Variants in ANXA7 observed in about 807,000 individuals in gnomAD.
The protein encoded by ANXA7 is annexin A7, also known as annexin VII.
Under a neutral mutation model 64.9 loss-of-function variants are expected in ANXA7, and 55 were observed. The observed-to-expected ratio is 0.85, with a 90% CI of 0.68 to 1.06. The LOEUF (loss-of-function observed/expected upper bound fraction) is 1.06, where lower values mean the gene tolerates loss of function less well. Among genes scored for constraint, ANXA7 ranks in the 50% least tolerant of loss-of-function variants. The probability of loss-of-function intolerance (pLI) is 0.00; values close to 1 mark genes in which losing one functional copy is unlikely to be tolerated. For synonymous variants in ANXA7, 200 were observed against 192.4 expected (o/e 1.04, Z -0.33); for missense variants, 548 against 582.1 (o/e 0.94, Z 0.60).
rs1251305641 is a variant in ANXA7 at position 73,393,757 on chromosome 10, T to C, written c.435+2762A>G. 9.8e-5 allele frequency among the ~76,000 whole-genome samples: 15 copies of C among 152,324 alleles called. No individual in the cohort carries two copies. The South Asian group carries it at 2.7e-3, about 27-fold the overall frequency. The stretch of plus-strand genomic sequence containing the variant: ...GTTAGATCTAAAACCATAAAAACCC[T>C]AGAAGAAAACCTAGGCAATACCATT... On this transcript the variant is annotated intron_variant, in intron 5 of 12. Coordinates refer to ENST00000372921, the MANE Select transcript of ANXA7 (RefSeq NM_001156.5).
At chr10:73,412,661 T>C (rs2055863740) in intron 1 of ANXA7, among the ~76,000 whole-genome samples, 2 of 151,766 alleles carry the variant, frequency 1.3e-5, no homozygotes, top group South Asian at 4.2e-4. Flanking sequence ...GCCCAGCTAA[T>C]TTTTGTATTT....
Position 73,396,525 on chromosome 10 carries a change from AG to A in ANXA7, c.428del (p.Pro143LeufsTer7). On this transcript the variant is annotated frameshift_variant, in exon 5 of 13. Transcript: ENST00000372921. LOFTEE classifies it high-confidence loss of function. Reference sequence around the variant, plus strand: ...AAAGGTAGGAACAAAATACCTGACTAGGGTAAGTAGGTTGTCCTCCAGGATA... The same window carrying A: ...AAAGGTAGGAACAAAATACCTGACTAGGTAAGTAGGTTGTCCTCCAGGATA... Reference protein sequence around the residue: ...SQYPGGQPTYPSQPATVTQVT... With the variant: ...SQYPGGQPTYXSQPATVTQVT... The A allele has an allele frequency of 6.2e-7, 1 of 1,609,478 alleles. No homozygotes were observed. Among genetic ancestry groups the A allele is most frequent in the South Asian group, 1.1e-5 (1 of 90,322 alleles).
At chr10:73,384,632 C>T (rs1589649233) in intron 7 of ANXA7, among the ~76,000 whole-genome samples, 1 of 151,946 alleles carries the variant, frequency 6.6e-6, no homozygotes, top group East Asian at 1.9e-4. Flanking sequence ...AATGCCTGAC[C>T]CCAAGTGATA....
At position 73,404,728 on chromosome 10, in the gene ANXA7, A is replaced by ATC. The variant is rs200180020; in HGVS notation, c.-1-3873_-1-3872dup. On this transcript the variant is annotated intron_variant, in intron 1 of 12. Coordinates refer to ENST00000372921, the MANE Select transcript of ANXA7 (RefSeq NM_001156.5). ...TATCCCTATATATATATATATATAT[A>ATC]TCTTTTGCATTTGAAGAAAACACTA... Among the ~76,000 whole-genome samples, 22 of 150,304 alleles carry ATC rather than the reference A, an allele frequency of 1.5e-4. No homozygotes were observed. The East Asian group carries it at 4.3e-3, about 29-fold the overall frequency.
chr10:73,387,281 G>C (rs1034944632), intron 7 of ANXA7, among the ~76,000 whole-genome samples: 1 of 152,144 alleles, frequency 6.6e-6, no homozygotes, highest in Non-Finnish European at 1.5e-5. Context: ...TTGGGAGGCT[G>C]AGGCAGGCGG....
At chr10:73,383,411 T>C in intron 8 of ANXA7, 66 bp from the exon 9 acceptor site, 1 of 1,462,886 alleles carries the variant, frequency 6.8e-7, no homozygotes, top group Non-Finnish European at 9.3e-7. Flanking sequence ...TAAATCTTCG[T>C]CAAATATTTC....
At chr10:73,376,352 G>C (rs2055172029) in intron 12 of ANXA7, 135 bp from the exon 13 acceptor site, 2 of 809,008 alleles carry the variant, frequency 2.5e-6, no homozygotes, top group Non-Finnish European at 3.6e-6. Flanking sequence ...ACATTTTATG[G>C]CTGGCACTCA....
chr10:73,397,316 A>G, intron 3 of ANXA7, 42 bp from the exon 4 acceptor site: 1 of 1,280,214 alleles, frequency 7.8e-7, no homozygotes, highest in Non-Finnish European at 1.1e-6. Context: ...TACAGTTCTC[A>G]TGATTGCAGA....
rs746307101 is a variant in ANXA7 at position 73,379,943 on chromosome 10, T to A, written c.1101A>T (p.Arg367=). 1.2e-6 allele frequency: 2 copies of A among 1,614,082 alleles called. No homozygotes were observed. The highest frequency in any genetic ancestry group is 2.2e-5 in the East Asian group (1 of 44,888). ...TMEAYSRMAN[R]DLLSSVSREF... is the part of the protein sequence containing the mutation. ...CACGGCTCACACTGCTTAACAAGTC[T>A]CGATTAGCCATCTGCAAACAAAATT... is the stretch of plus-strand genomic sequence containing the variant. The change falls in exon 11 of 13, where the codon CGA becomes CGT. Residue 367 remains arginine (R), a synonymous_variant. Coordinates refer to ENST00000372921, the MANE Select transcript of ANXA7 (RefSeq NM_001156.5).
intron 9 of ANXA7, among the ~76,000 whole-genome samples, chr10:73,382,920 G>C (rs575633074): frequency 2.0e-5 from 3 of 152,162 alleles, no homozygotes; most frequent in Non-Finnish European, 4.4e-5. Flanking sequence ...CCCAGCCACA[G>C]AGCCTCGAAT....
chr10:73,406,863 A>T (rs977518094), intron 1 of ANXA7, among the ~76,000 whole-genome samples: 3 of 151,862 alleles, frequency 2.0e-5, no homozygotes, highest in African/African-American at 7.3e-5. Flanking sequence ...GAGCCACCAC[A>T]CCCACCCTCT....
chr10:73,401,726 G>A (rs766002838), intron 1 of ANXA7, among the ~76,000 whole-genome samples: 3 of 151,792 alleles, frequency 2.0e-5, no homozygotes, highest in African/African-American at 4.8e-5. Flanking sequence ...GGTCTTGAAC[G>A]CCTAACCTCA....
At chr10:73,392,076 A>G (rs1164072867) in intron 5 of ANXA7, among the ~76,000 whole-genome samples, 1 of 152,220 alleles carries the variant, frequency 6.6e-6, no homozygotes, top group Non-Finnish European at 1.5e-5. Flanking sequence ...GAACACCTCT[A>G]TGCAAATAAA....
rs574734754 is a variant in ANXA7 at position 73,405,417 on chromosome 10, C to G, written c.-1-4560G>C. Among the ~76,000 whole-genome samples, 3 of 151,654 alleles carry G rather than the reference C, an allele frequency of 2.0e-5. No homozygotes were observed. In the South Asian group the frequency reaches 6.2e-4, roughly 32 times the overall value. ...ATTAGCCAGGCGTGGTGGCATGTGCCTGTAAGCCCAGCTACTCAGGAGGCT... is the reference window on the plus strand; with the variant it reads ...ATTAGCCAGGCGTGGTGGCATGTGCGTGTAAGCCCAGCTACTCAGGAGGCT... On this transcript the variant is annotated intron_variant, in intron 1 of 12. Transcript: ENST00000372921.
Position 73,382,167 on chromosome 10 carries a change from C to A in ANXA7, c.918+1008G>T, listed in dbSNP as rs542842792. Among the ~76,000 whole-genome samples, 8 of 152,330 alleles carry A rather than the reference C, an allele frequency of 5.3e-5. No homozygotes were observed. In the East Asian group the frequency reaches 1.5e-3, roughly 29 times the overall value. ...GGGATTACAGACATGAACCACCACACCCAGCCCCTCCCTTGGCTCTTAAGA... is the reference window on the plus strand; with the variant it reads ...GGGATTACAGACATGAACCACCACAACCAGCCCCTCCCTTGGCTCTTAAGA... On this transcript the variant is annotated intron_variant, in intron 9 of 12. Transcript: ENST00000372921.
Position 73,387,837 on chromosome 10 carries a change from T to G in ANXA7, c.539-54A>C, listed in dbSNP as rs114158257. 665 of 1,263,292 alleles carry G rather than the reference T, an allele frequency of 5.3e-4. 3 individuals carry two copies. In the African/African-American group the frequency reaches 9.4e-3, roughly 18 times the overall value. The allele number at this position is 1,263,292 out of a possible 1,614,324, so 78.3% of individuals were successfully genotyped here. On this transcript the variant is annotated intron_variant, in intron 6 of 12. Transcript: ENST00000372921. ...GACAAAGTACATGCTAGGTGCTGCT[T>G]GAGGTCATCTTTTTTTTTTTTTTTT...
At chr10:73,386,792 C>T (rs941037669) in intron 7 of ANXA7, among the ~76,000 whole-genome samples, 4 of 152,096 alleles carry the variant, frequency 2.6e-5, no homozygotes, top group Non-Finnish European at 5.9e-5. Context: ...CTCAGCCTCC[C>T]AAGCAGCTGG....
In ANXA7 at chr10:73,376,065, T is replaced by A; in HGVS notation, c.*30A>T. 6.6e-7 allele frequency: 1 copy of A among 1,509,188 alleles called. No individual in the cohort carries two copies. Among genetic ancestry groups the A allele is most frequent in the East Asian group, 2.5e-5 (1 of 40,808 alleles). 93.5% of individuals were successfully genotyped at this position (1,509,188 alleles called of 1,614,324 possible). A position where few individuals can be genotyped will look rare whatever the true frequency, so the allele number is the denominator to read the frequency against. ...TGAAGGATAAGCTATGAATAGAAATTTTTTTTCATTAAAAAAAAAAAAATC... is the reference window on the plus strand; with the variant it reads ...TGAAGGATAAGCTATGAATAGAAATATTTTTTCATTAAAAAAAAAAAAATC... On this transcript the variant is annotated 3_prime_UTR_variant, in exon 13 of 13. Transcript: ENST00000372921.
At chr10:73,409,286 C>G (rs1295758295) in intron 1 of ANXA7, among the ~76,000 whole-genome samples, 2 of 152,162 alleles carry the variant, frequency 1.3e-5, no homozygotes, top group Non-Finnish European at 1.5e-5. Context: ...CCAACAGACT[C>G]TTAGATTTGA....
Sources: allele counts gnomAD v4.1 joint callset (sites outside exome capture counted in the v4.1 genomes callset), GRCh38; gene constraint gnomAD v4.1.1; transcripts MANE v1.5; gene names NCBI Gene and HGNC (gene_info 2026-07-23, HGNC 2026-07-21).